PUM1: variants seen among roughly 807,000 people sequenced by gnomAD.
PUM1 encodes the protein pumilio homolog 1.
Under a neutral mutation model 131.8 loss-of-function variants are expected in PUM1, and 13 were observed. The observed-to-expected ratio is 0.10, with a 90% CI of 0.06 to 0.16. PUM1 has a LOEUF of 0.16. PUM1 is among the 10% of genes least tolerant of loss of function. PUM1 has a pLI of 1.00. For synonymous variants in PUM1, 509 were observed against 556.5 expected (o/e 0.91, Z 1.20); for missense variants, 961 against 1,512.4 (o/e 0.64, Z 6.05).
chr1:30,933,687 C>T (rs1182286200), intron 21 of PUM1, among the ~76,000 whole-genome samples: 1 of 152,162 alleles, frequency 6.6e-6, no homozygotes, highest in African/African-American at 2.4e-5. Context: ...TGCCCACTAC[C>T]CGCCAGCTGC....
chr1:30,937,635 T>TA (rs1218337448), intron 20 of PUM1, among the ~76,000 whole-genome samples: 1 of 151,820 alleles, frequency 6.6e-6, no homozygotes, highest in Non-Finnish European at 1.5e-5. Context: ...AAAAGGAAAA[T>TA]ATAACATCAG....
At chr1:31,049,691 A>C (rs1644060698) in intron 2 of PUM1, among the ~76,000 whole-genome samples, 1 of 152,062 alleles carries the variant, frequency 6.6e-6, no homozygotes, top group Admixed American at 6.6e-5. Flanking sequence ...AAAAAATAAA[A>C]TTAAATTTAA....
Position 30,985,960 on chromosome 1 carries a change from A to AT in PUM1, c.1159-4556dup, listed in dbSNP as rs551651546. Among the ~76,000 whole-genome samples, 524 of 147,254 alleles carry AT rather than the reference A, an allele frequency of 3.6e-3. 4 individuals carry two copies. Among genetic ancestry groups the AT allele is most frequent in the South Asian group, 0.025 (118 of 4,646 alleles). ...TCAAACAAGTCCCTAAACTTCACTG[A>AT]TTTTTTTTTTTGGAGACAGAGTGAG... On this transcript the variant is annotated intron_variant, in intron 7 of 21. Transcript: ENST00000426105.
intron 7 of PUM1, among the ~76,000 whole-genome samples, chr1:30,985,443 A>G (rs1249112277): frequency 6.6e-6 from 1 of 152,166 alleles, no homozygotes; most frequent in African/African-American, 2.4e-5. Flanking sequence ...ACCTGAGGTC[A>G]GGAGTTCGAG....
At chr1:30,997,115 C>T (rs577165495) in intron 5 of PUM1, among the ~76,000 whole-genome samples, 21 of 152,304 alleles carry the variant, frequency 1.4e-4, no homozygotes, top group South Asian at 4.1e-4. Flanking sequence ...CCCACTGCCA[C>T]GCCTAAGTCA....
intron 2 of PUM1, among the ~76,000 whole-genome samples, chr1:31,058,074 G>A (rs1359007418): frequency 6.6e-6 from 1 of 152,084 alleles, no homozygotes; most frequent in African/African-American, 2.4e-5. Flanking sequence ...TAATAAGACT[G>A]AACATGTTAA....
In PUM1 at chr1:31,033,518, G is replaced by A. The variant is rs539616249; in HGVS notation, c.364-4654C>T. Among the ~76,000 whole-genome samples, 19 of 150,054 alleles carry A rather than the reference G, an allele frequency of 1.3e-4. 1 individual carries two copies. Among genetic ancestry groups the A allele is most frequent in the Middle Eastern group, 7.2e-3 (2 of 278 alleles). On this transcript the variant is annotated intron_variant, in intron 2 of 21. Coordinates refer to ENST00000426105, the MANE Select transcript of PUM1 (RefSeq NM_001020658.2). ...CGCCATTCTCCTGCCTCAGCCTCCC[G>A]AGTATCCAGCTAATTTTCATATTTT...
At chr1:31,061,331 A>T (rs1188514921) in intron 1 of PUM1, among the ~76,000 whole-genome samples, 1 of 152,160 alleles carries the variant, frequency 6.6e-6, no homozygotes, top group East Asian at 1.9e-4. Flanking sequence ...AAGAAGGCCA[A>T]TGGAGGTTGG....
chr1:31,013,725 T>C (rs1230044268), intron 3 of PUM1, among the ~76,000 whole-genome samples: 3 of 151,402 alleles, frequency 2.0e-5, no homozygotes, highest in Non-Finnish European at 4.4e-5. Context: ...ATGAGGAAGT[T>C]TGATTGGTAA....
At chr1:31,040,682 G>T (rs1266975008) in intron 2 of PUM1, among the ~76,000 whole-genome samples, 1 of 152,108 alleles carries the variant, frequency 6.6e-6, no homozygotes. Context: ...AGGGGGAAGG[G>T]ACTGCTTGAG....
chr1:30,955,195 C>T (rs1640104384), intron 14 of PUM1, among the ~76,000 whole-genome samples: 1 of 151,792 alleles, frequency 6.6e-6, no homozygotes, highest in African/African-American at 2.4e-5. Context: ...GTGGCTCATG[C>T]CTGTAATCCT....
chr1:31,013,560 A>G (rs1033499033), intron 3 of PUM1, among the ~76,000 whole-genome samples: 3 of 152,250 alleles, frequency 2.0e-5, no homozygotes, highest in Non-Finnish European at 4.4e-5. Flanking sequence ...AATGCAGCCA[A>G]TGCAGGAAAC....
intron 2 of PUM1, among the ~76,000 whole-genome samples, chr1:31,046,335 G>A (rs1052525455): frequency 3.3e-5 from 5 of 152,142 alleles, no homozygotes; most frequent in African/African-American, 9.6e-5. Context: ...GCGGTGAGCC[G>A]AAATCGTGCC....
intron 6 of PUM1, among the ~76,000 whole-genome samples, chr1:30,993,368 C>A (rs1641868202): frequency 6.7e-6 from 1 of 148,632 alleles, no homozygotes; most frequent in Non-Finnish European, 1.5e-5. Flanking sequence ...AAACAGGGCA[C>A]TATTGATAAT....
At chr1:31,031,495 TTAGG>T (rs1005467483) in intron 2 of PUM1, among the ~76,000 whole-genome samples, 37 of 152,326 alleles carry the variant, frequency 2.4e-4, no homozygotes, top group African/African-American at 8.7e-4. Context: ...CCAACCATTG[TTAGG>T]TAGGGAAAAG....
At chr1:30,987,675 A>C (rs556228568) in intron 7 of PUM1, among the ~76,000 whole-genome samples, 1 of 152,362 alleles carries the variant, frequency 6.6e-6, no homozygotes, top group East Asian at 1.9e-4. Flanking sequence ...AGACAAAGGA[A>C]GAACATTTTA....
In PUM1 at chr1:30,968,440, T is replaced by G; in HGVS notation, c.1559A>C (p.Gln520Pro). ...QRPLTPNQNQ[Q>P]GQQTDPLVAA... ...CACAAGGGGATCCGTTTGCTGTCCC[T>G]GCTGGTTCTGGTTTGGGGTCAAAGG... The change falls in exon 11 of 22, where the codon CAG becomes CCG. Residue 520 changes from glutamine to proline, a missense_variant. Transcript: ENST00000426105. 1.3e-6 allele frequency: 2 copies of G among 1,598,716 alleles called. No homozygotes were observed. Among genetic ancestry groups the G allele is most frequent in the African/African-American group, 2.7e-5 (2 of 73,954 alleles).
chr1:30,963,351 C>T (rs779741200), intron 14 of PUM1, among the ~76,000 whole-genome samples: 1 of 152,156 alleles, frequency 6.6e-6, no homozygotes, highest in Non-Finnish European at 1.5e-5. Context: ...CCCTGTCTAC[C>T]TATTATGGAC....
intron 14 of PUM1, among the ~76,000 whole-genome samples, chr1:30,962,024 C>T (rs1329582983): frequency 6.6e-6 from 1 of 152,142 alleles, no homozygotes; most frequent in Non-Finnish European, 1.5e-5. Context: ...TTGTTAGAAA[C>T]CAAGTAGCAC....
Sources: allele counts gnomAD v4.1 joint callset (sites outside exome capture counted in the v4.1 genomes callset), GRCh38; gene constraint gnomAD v4.1.1; transcripts MANE v1.5; gene names NCBI Gene and HGNC (gene_info 2026-07-23, HGNC 2026-07-21).